Variants in IL1RAPL2 observed in about 807,000 individuals in gnomAD.
IL1RAPL2 encodes interleukin 1 receptor accessory protein like 2, also known as X-linked interleukin-1 receptor accessory protein-like 2.
In IL1RAPL2, 3 loss-of-function variants were observed where a neutral mutation model predicts 44.1. The observed-to-expected ratio is 0.07, with a 90% CI of 0.03 to 0.18. The LOEUF is 0.18. IL1RAPL2 is among the 10% of genes least tolerant of loss of function. The pLI is 1.00. For synonymous variants in IL1RAPL2, 181 were observed against 178.8 expected (o/e 1.01, Z -0.10); for missense variants, 391 against 496.4 (o/e 0.79, Z 2.02).
chrX:105,175,320 C>T (rs1209967886), intron 2 of IL1RAPL2, among the ~76,000 whole-genome samples: 3 of 111,438 alleles, frequency 2.7e-5, no homozygotes, highest in Non-Finnish European at 5.7e-5. Flanking sequence ...TCAATCCTCA[C>T]AGTAGCATTA....
chrX:105,322,052 T>G (rs2034901069), intron 5 of IL1RAPL2, among the ~76,000 whole-genome samples: 1 of 112,842 alleles, frequency 8.9e-6, no homozygotes, highest in Non-Finnish European at 1.9e-5. Flanking sequence ...GGGGTGCAAA[T>G]AAATCATCTG....
intron 5 of IL1RAPL2, among the ~76,000 whole-genome samples, chrX:105,380,243 T>C (rs1049250955): frequency 9.0e-6 from 1 of 111,483 alleles, no homozygotes; most frequent in African/African-American, 3.3e-5. Context: ...CTGGGAGATA[T>C]TCTTTTCAGC....
chrX:104,592,181 G>GTGTGTA (rs1928682208), intron 1 of IL1RAPL2, among the ~76,000 whole-genome samples: 2 of 105,024 alleles, frequency 1.9e-5, no homozygotes, highest in Non-Finnish European at 3.9e-5. Context: ...GTGTGTGTGT[G>GTGTGTA]TGTGTGTGTG....
At chrX:105,649,389 T>G (rs1228528538) in intron 6 of IL1RAPL2, among the ~76,000 whole-genome samples, 1 of 111,768 alleles carries the variant, frequency 8.9e-6, no homozygotes, top group Non-Finnish European at 1.9e-5. Context: ...CAAGTAAAGA[T>G]TACATGATGT....
chrX:104,773,270 CAACTT>C (rs1255952977), intron 2 of IL1RAPL2, among the ~76,000 whole-genome samples: 1 of 111,687 alleles, frequency 9.0e-6, no homozygotes, highest in Admixed American at 9.5e-5. Context: ...ATCAAGAAAA[CAACTT>C]AATGTGTGTA....
At chrX:105,713,098 T>C (rs1299323497) in intron 6 of IL1RAPL2, among the ~76,000 whole-genome samples, 2 of 112,419 alleles carry the variant, frequency 1.8e-5, no homozygotes, top group African/African-American at 6.5e-5. Flanking sequence ...GTGGCTGCCT[T>C]CATGGGCTGG....
chrX:104,671,314 GTTAT>G (rs1930598308), intron 2 of IL1RAPL2, among the ~76,000 whole-genome samples: 1 of 110,916 alleles, frequency 9.0e-6, no homozygotes, highest in Admixed American at 9.6e-5. Context: ...GCCATCCTGA[GTTAT>G]TTATCATTCT....
chrX:105,247,603 ATGTGTGTGTGTG>A (rs10588244), intron 4 of IL1RAPL2, among the ~76,000 whole-genome samples: 1,211 of 95,027 alleles, frequency 0.013, 2 homozygotes, highest in South Asian at 0.046. Flanking sequence ...ATATATATAT[ATGTGTGTGTGTG>A]TGTGTGTGTG....
chrX:105,398,178 C>A (rs150003733), intron 5 of IL1RAPL2, among the ~76,000 whole-genome samples: 1,237 of 110,568 alleles, frequency 0.011, 18 homozygotes, highest in African/African-American at 0.038. Context: ...TTGGCAGGCC[C>A]CTTCTTAACC....
At chrX:104,836,718 T>C (rs1413505901) in intron 2 of IL1RAPL2, among the ~76,000 whole-genome samples, 1 of 111,628 alleles carries the variant, frequency 9.0e-6, no homozygotes, top group East Asian at 2.8e-4. Context: ...CAATTCTTTA[T>C]TTTTTATTTA....
At chrX:105,751,247 C>A (rs1454409863) in intron 9 of IL1RAPL2, among the ~76,000 whole-genome samples, 1 of 110,030 alleles carries the variant, frequency 9.1e-6, no homozygotes, top group Non-Finnish European at 1.9e-5. Context: ...TGCACTCTGG[C>A]CTGGGCGACA....
At chrX:105,080,667 GTTC>G (rs2032391796) in intron 2 of IL1RAPL2, among the ~76,000 whole-genome samples, 2 of 111,882 alleles carry the variant, frequency 1.8e-5, no homozygotes, top group African/African-American at 6.5e-5. Context: ...CTCAAGCTTT[GTTC>G]TTTTTGCTTA....
intron 3 of IL1RAPL2, among the ~76,000 whole-genome samples, chrX:105,227,045 G>T (rs1320229850): frequency 9.6e-4 from 88 of 91,483 alleles, no homozygotes; most frequent in Non-Finnish European, 1.8e-3. Flanking sequence ...CACAGGAAGG[G>T]GAACATCACA....
chrX:105,465,264 C>T, intron 5 of IL1RAPL2, among the ~76,000 whole-genome samples: 1 of 111,909 alleles, frequency 8.9e-6, no homozygotes, highest in South Asian at 3.7e-4. Context: ...CTTCCTTTTC[C>T]ATCTTCGACC....
chrX:105,202,632 T>C (rs2033727379), intron 3 of IL1RAPL2, among the ~76,000 whole-genome samples: 1 of 112,116 alleles, frequency 8.9e-6, no homozygotes, highest in African/African-American at 3.2e-5. Context: ...ACCATCTTTC[T>C]CATTGATCTC....
At chrX:105,620,949 G>A (rs368601317) in intron 6 of IL1RAPL2, among the ~76,000 whole-genome samples, 4 of 110,999 alleles carry the variant, frequency 3.6e-5, no homozygotes, top group South Asian at 7.5e-4. Flanking sequence ...ACATAAGATT[G>A]GACCCATGGC....
intron 5 of IL1RAPL2, among the ~76,000 whole-genome samples, chrX:105,339,465 G>A (rs530781865): frequency 1.8e-5 from 2 of 111,917 alleles, no homozygotes; most frequent in East Asian, 5.6e-4. Flanking sequence ...GGAGATGATG[G>A]AGAAGTTGGG....
intron 2 of IL1RAPL2, among the ~76,000 whole-genome samples, chrX:105,076,577 A>G (rs934387633): frequency 1.8e-5 from 2 of 111,037 alleles, no homozygotes; most frequent in African/African-American, 6.6e-5. Context: ...TGCAGAGCTG[A>G]GTTCAACTCC....
intron 6 of IL1RAPL2, among the ~76,000 whole-genome samples, chrX:105,666,922 C>T (rs956550164): frequency 8.0e-5 from 9 of 111,822 alleles, no homozygotes; most frequent in African/African-American, 2.3e-4. Context: ...TAGGGGGAAG[C>T]ACATCACGCG....
Sources: allele counts gnomAD v4.1 joint callset (sites outside exome capture counted in the v4.1 genomes callset), GRCh38; gene constraint gnomAD v4.1.1; transcripts MANE v1.5; gene names NCBI Gene and HGNC (gene_info 2026-07-23, HGNC 2026-07-21).